The following PRKG1 variants were observed in gnomAD, a reference collection of about 807,000 sequenced individuals.
The protein encoded by PRKG1 is cGMP-dependent protein kinase 1.
PRKG1 carries 35 observed loss-of-function variants against 88.1 expected under a neutral mutation model. That is an observed-to-expected ratio of 0.40 (90% CI 0.30 to 0.53). The LOEUF (loss-of-function observed/expected upper bound fraction) is 0.53. PRKG1 is among the 20% of genes least tolerant of loss of function. PRKG1 has a pLI of 0.59. For synonymous variants in PRKG1, 303 were observed against 292.5 expected (o/e 1.04, Z -0.37); for missense variants, 540 against 839.8 (o/e 0.64, Z 4.41).
intron 3 of PRKG1, among the ~76,000 whole-genome samples, chr10:51,759,381 C>T (rs1490503022): frequency 6.6e-6 from 1 of 152,028 alleles, no homozygotes; most frequent in Non-Finnish European, 1.5e-5. Flanking sequence ...ATTTTCCTGC[C>T]TCAGCCTCCC....
chr10:51,772,305 T>G (rs1838323958), intron 3 of PRKG1, among the ~76,000 whole-genome samples: 1 of 152,166 alleles, frequency 6.6e-6, no homozygotes, highest in Admixed American at 6.6e-5. Flanking sequence ...TGCAAAGGTA[T>G]GTATTCAGGG....
At chr10:51,880,488 T>C (rs1287205873) in intron 4 of PRKG1, among the ~76,000 whole-genome samples, 2 of 152,178 alleles carry the variant, frequency 1.3e-5, no homozygotes, top group Non-Finnish European at 2.9e-5. Flanking sequence ...CATTTTTCCA[T>C]TTAAGAGTTA....
At chr10:51,026,112 CA>C (rs1203950835) in intron 1 of PRKG1, among the ~76,000 whole-genome samples, 5 of 152,060 alleles carry the variant, frequency 3.3e-5, no homozygotes, top group African/African-American at 1.2e-4. Context: ...GACAGCAAAC[CA>C]CCAGAAGCTA....
chr10:51,588,209 G>A (rs962177249), intron 3 of PRKG1, among the ~76,000 whole-genome samples: 6 of 152,012 alleles, frequency 3.9e-5, no homozygotes, highest in Admixed American at 6.6e-5. Context: ...AGTATACAGT[G>A]CACATTTTTT....
chr10:51,987,691 G>T (rs1353148783), intron 5 of PRKG1, among the ~76,000 whole-genome samples: 2 of 151,820 alleles, frequency 1.3e-5, no homozygotes, highest in Admixed American at 1.3e-4. Flanking sequence ...TTCAATATTT[G>T]TAACTATTCG....
At chr10:52,109,622 C>T (rs921088170) in intron 7 of PRKG1, among the ~76,000 whole-genome samples, 5 of 150,360 alleles carry the variant, frequency 3.3e-5, no homozygotes, top group African/African-American at 4.9e-5. Flanking sequence ...CAAAAATTAG[C>T]TGGGAGTGGT....
chr10:51,361,406 C>G (rs1033313830), intron 2 of PRKG1, among the ~76,000 whole-genome samples: 1 of 151,806 alleles, frequency 6.6e-6, no homozygotes, highest in African/African-American at 2.4e-5. Context: ...TAATTGACAC[C>G]CACATAAGAG....
chr10:51,698,904 C>T lies in PRKG1; in HGVS notation c.593-105681C>T, dbSNP rs144891921. On this transcript the variant is annotated intron_variant, in intron 3 of 17. Coordinates refer to ENST00000373980, the MANE Select transcript of PRKG1 (RefSeq NM_006258.4). ...CCTGGGCAGAGCCCAGGGCCAGGGC[C>T]AGGGCCAGGGCCAGAGACAGACACA... The T allele has an allele frequency of 4.0e-4, 647 of 1,613,866 alleles. 5 individuals are homozygous for T. In the East Asian group the frequency reaches 0.012, roughly 29 times the overall value.
At chr10:52,088,718 TA>T (rs2133318365) in intron 7 of PRKG1, among the ~76,000 whole-genome samples, 1 of 152,294 alleles carries the variant, frequency 6.6e-6, no homozygotes, top group East Asian at 1.9e-4. Flanking sequence ...CTGTAAGAAG[TA>T]AATTCCAGTC....
chr10:51,105,695 T>C (rs183855074), intron 1 of PRKG1, among the ~76,000 whole-genome samples: 1,633 of 150,198 alleles, frequency 0.011, 19 homozygotes, highest in Non-Finnish European at 0.017. Context: ...AAAATTTTTT[T>C]CCTTTTATTT....
chr10:51,036,987 C>A (rs1194709203), intron 1 of PRKG1, among the ~76,000 whole-genome samples: 1 of 152,112 alleles, frequency 6.6e-6, no homozygotes, highest in African/African-American at 2.4e-5. Context: ...CTAATGTTAA[C>A]AAATTCTAAA....
rs1564612462 is a variant in PRKG1 at position 51,699,178 on chromosome 10, G to A, written c.593-105407G>A. Reference sequence around the variant, plus strand: ...CTACTGCTCTGGTAATCGATTCAGGGGCATCTTCTGGATCGATGGGATCCC... The same window carrying A: ...CTACTGCTCTGGTAATCGATTCAGGAGCATCTTCTGGATCGATGGGATCCC... On this transcript the variant is annotated intron_variant, in intron 3 of 17. Transcript: ENST00000373980. The A allele has an allele frequency of 4.3e-6, 7 of 1,613,982 alleles. No individual in the cohort carries two copies. In the East Asian group the frequency reaches 1.3e-4, roughly 31 times the overall value.
chr10:51,448,015 T>C (rs1326197213), intron 2 of PRKG1, among the ~76,000 whole-genome samples: 1 of 152,004 alleles, frequency 6.6e-6, no homozygotes, highest in African/African-American at 2.4e-5. Flanking sequence ...TGTTTCTTGC[T>C]TATCAAAAGC....
At chr10:51,400,051 A>C (rs1038298881) in intron 2 of PRKG1, among the ~76,000 whole-genome samples, 2 of 152,170 alleles carry the variant, frequency 1.3e-5, no homozygotes, top group African/African-American at 4.8e-5. Flanking sequence ...CTGTTTAATT[A>C]GCCAGTCATT....
At chr10:51,492,956 T>C (rs1015052660) in intron 3 of PRKG1, among the ~76,000 whole-genome samples, 1 of 152,168 alleles carries the variant, frequency 6.6e-6, no homozygotes, top group African/African-American at 2.4e-5. Context: ...AAACTGATGG[T>C]ATATAAATTT....
chr10:51,940,874 T>C (rs1485921562), intron 5 of PRKG1, among the ~76,000 whole-genome samples: 2 of 151,980 alleles, frequency 1.3e-5, no homozygotes, highest in Admixed American at 1.3e-4. Flanking sequence ...ACAGTAGATA[T>C]TGTAATGATC....
intron 3 of PRKG1, chr10:51,699,143 G>T: frequency 6.2e-7 from 1 of 1,614,176 alleles, no homozygotes; most frequent in Non-Finnish European, 8.5e-7. Flanking sequence ...CTGCTCCGGG[G>T]GGAGACTGGC....
intron 2 of PRKG1, among the ~76,000 whole-genome samples, chr10:51,206,779 A>C (rs990527823): frequency 2.6e-5 from 4 of 152,172 alleles, no homozygotes; most frequent in African/African-American, 9.6e-5. Flanking sequence ...CTGAAACTCA[A>C]CTGCAGTTAT....
intron 7 of PRKG1, among the ~76,000 whole-genome samples, chr10:52,101,215 C>G (rs1054023161): frequency 8.5e-5 from 13 of 152,094 alleles, no homozygotes; most frequent in Admixed American, 1.3e-4. Flanking sequence ...CTTATTATGA[C>G]AACAAAATAC....
Sources: allele counts gnomAD v4.1 joint callset (sites outside exome capture counted in the v4.1 genomes callset), GRCh38; gene constraint gnomAD v4.1.1; transcripts MANE v1.5; gene names NCBI Gene and HGNC (gene_info 2026-07-23, HGNC 2026-07-21).